OR51B5: variants seen among roughly 807,000 people sequenced by gnomAD.
The protein encoded by OR51B5 is olfactory receptor 51B5.
For missense variants in OR51B5, 456 were observed against 374.6 expected (o/e 1.22, Z -1.79); for synonymous variants, 186 against 144.8 (o/e 1.28, Z -2.04).
At chr11:5,346,480 AAACTTCT>A (rs1209711625), upstream of OR51B5, 1 of 136,812 alleles carries the variant, frequency 7.3e-6, no homozygotes, top group East Asian at 2.0e-4. Context: ...AAAATCAGAT[AAACTTCT>A]AACATTTACA....
chr11:5,499,738 C>T (rs1182576279), intron 1 of OR51B5, among the ~76,000 whole-genome samples: 1 of 152,148 alleles, frequency 6.6e-6, no homozygotes, highest in Non-Finnish European at 1.5e-5. Context: ...ATCACCCTAT[C>T]AGTACTGTTA....
At chr11:5,378,847 C>G (rs1013399539) in intron 1 of OR51B5, among the ~76,000 whole-genome samples, 1 of 149,908 alleles carries the variant, frequency 6.7e-6, no homozygotes, top group African/African-American at 2.5e-5. Flanking sequence ...AATAGGAACA[C>G]TTTTACACTC....
At position 5,380,128 on chromosome 11, in the gene OR51B5, C is replaced by T. The variant is rs143962736; in HGVS notation, n.85-33218G>A. ...AAAAGGGGTCTCTCTGAAAAGTTTT[C>T]ACAATGAAAATGAAAATCGGTTCCC... On this transcript the variant is annotated intron_variant and non_coding_transcript_variant, in intron 1 of 4. Transcript: ENST00000415970. Among the ~76,000 whole-genome samples, 1,232 of 150,176 alleles carry T rather than the reference C, an allele frequency of 8.2e-3. 8 individuals are homozygous for T. The highest frequency in any genetic ancestry group is 0.012 in the Non-Finnish European group (784 of 66,816).
At chr11:5,405,149 G>T (rs1365415131) in intron 1 of OR51B5, among the ~76,000 whole-genome samples, 1 of 152,116 alleles carries the variant, frequency 6.6e-6, no homozygotes, top group Non-Finnish European at 1.5e-5. Flanking sequence ...TTCAGGGAAA[G>T]AAATTAAGAT....
At chr11:5,480,374 T>C (rs1469379010) in intron 1 of OR51B5, among the ~76,000 whole-genome samples, 4 of 151,518 alleles carry the variant, frequency 2.6e-5, no homozygotes, top group East Asian at 2.0e-4. Flanking sequence ...AGAGGGAAAC[T>C]TATAGCACTA....
intron 1 of OR51B5, among the ~76,000 whole-genome samples, chr11:5,349,767 C>G (rs1849047742): frequency 6.6e-6 from 1 of 152,118 alleles, no homozygotes; most frequent in African/African-American, 2.4e-5. Flanking sequence ...CCTTTTCTCA[C>G]TTTTTGAGGA....
intron 1 of OR51B5, among the ~76,000 whole-genome samples, chr11:5,404,032 T>C (rs2467226): frequency 0.16 from 24,426 of 151,468 alleles, 2,439 homozygotes; most frequent in African/African-American, 0.29. Context: ...TCACCCAACC[T>C]CACCAAGGCC....
chr11:5,485,965 T>C (rs1851492092), intron 1 of OR51B5, among the ~76,000 whole-genome samples: 1 of 152,152 alleles, frequency 6.6e-6, no homozygotes, highest in Admixed American at 6.5e-5. Flanking sequence ...TAATCCGATA[T>C]GGCTGTTGAC....
rs1260933008 is a variant in OR51B5 at position 5,404,183 on chromosome 11, G to A, written n.85-57273C>T. Among the ~76,000 whole-genome samples, 9 of 138,300 alleles carry A rather than the reference G, an allele frequency of 6.5e-5. No homozygotes were observed. In the East Asian group the frequency reaches 1.8e-3, roughly 28 times the overall value. The allele number at this position is 138,300 out of a possible 152,430, so 90.7% of individuals were successfully genotyped here. On this transcript the variant is annotated intron_variant and non_coding_transcript_variant, in intron 1 of 4. Transcript: ENST00000415970. ...AGGGGATGGGGCGGGGAGGGCGGGG[G>A]GCGGAACTTGAAGAACTTTTCTGTC...
intron 1 of OR51B5, among the ~76,000 whole-genome samples, chr11:5,404,298 C>G (rs1267079103): frequency 6.6e-6 from 1 of 151,968 alleles, no homozygotes; most frequent in East Asian, 1.9e-4. Context: ...TCTAGCTAAT[C>G]GGGTGGGGAC....
chr11:5,483,514 A>AAAAAAAAAAAG (rs1554896858), intron 1 of OR51B5, among the ~76,000 whole-genome samples: 1 of 141,008 alleles, frequency 7.1e-6, no homozygotes, highest in African/African-American at 2.7e-5. Flanking sequence ...TAATTAAAAA[A>AAAAAAAAAAAG]AAAAGAAAAG....
At chr11:5,374,406 ACT>A (rs1444755325) in intron 1 of OR51B5, among the ~76,000 whole-genome samples, 2 of 152,096 alleles carry the variant, frequency 1.3e-5, no homozygotes, top group Non-Finnish European at 2.9e-5. Flanking sequence ...AAAACTGGAA[ACT>A]CTAAAAAGCA....
At chr11:5,412,003 C>A (rs12575572) in intron 1 of OR51B5, among the ~76,000 whole-genome samples, 1 of 152,118 alleles carries the variant, frequency 6.6e-6, no homozygotes, top group African/African-American at 2.4e-5. Context: ...TTCTGAACTA[C>A]GGACTCTAAG....
upstream of OR51B5, chr11:5,346,993 T>C (rs1372266249): frequency 6.6e-6 from 1 of 152,174 alleles, no homozygotes; most frequent in East Asian, 1.9e-4. Context: ...ACTTGGATCT[T>C]AAGAAATATT....
At position 5,452,851 on chromosome 11, in the gene OR51B5, C is replaced by T. The variant is rs967115625; in HGVS notation, n.84+52718G>A. On this transcript the variant is annotated intron_variant and non_coding_transcript_variant, in intron 1 of 4. Transcript: ENST00000415970. ...ACAGATACAGCCTTGTGCCTTTGCA[C>T]AAAAATATGTTATTTCTGTTGTTGC... Among the ~76,000 whole-genome samples, 7 of 152,286 alleles carry T rather than the reference C, an allele frequency of 4.6e-5. No homozygotes were observed. In the South Asian group the frequency reaches 8.3e-4, roughly 18 times the overall value.
intron 1 of OR51B5, among the ~76,000 whole-genome samples, chr11:5,368,089 ACT>A (rs1201665657): frequency 4.6e-5 from 7 of 152,034 alleles, no homozygotes; most frequent in Admixed American, 2.0e-4. Flanking sequence ...CTCACTCAGA[ACT>A]CTCTTTCTTT....
chr11:5,344,184 T>A (rs1392996479), upstream of OR51B5, among the ~76,000 whole-genome samples: 1 of 152,190 alleles, frequency 6.6e-6, no homozygotes, highest in Admixed American at 6.5e-5. Flanking sequence ...AATCCTTCAG[T>A]ACTACTCACT....
chr11:5,422,845 C>T (rs1850372762), intron 1 of OR51B5: 3 of 1,614,040 alleles, frequency 1.9e-6, no homozygotes, highest in African/African-American at 1.3e-5. Context: ...ATCCTCTGCT[C>T]ATTGTGATCT....
intron 1 of OR51B5, among the ~76,000 whole-genome samples, chr11:5,426,617 C>A (rs1469740273): frequency 6.6e-6 from 1 of 151,876 alleles, no homozygotes; most frequent in African/African-American, 2.4e-5. Flanking sequence ...ATTAACACCG[C>A]CCTAATACAT....
Sources: gnomAD v4.1 joint callset for allele counts (sites outside exome capture counted in the v4.1 genomes callset) on GRCh38, gnomAD v4.1.1 for gene constraint, MANE v1.5 for transcripts, NCBI Gene and HGNC (gene_info 2026-07-23, HGNC 2026-07-21) for gene names.